Variants in POLG observed in about 807,000 individuals in gnomAD.
The protein encoded by POLG is DNA polymerase gamma, catalytic subunit, also known as DNA polymerase subunit gamma-1.
In POLG, 110 loss-of-function variants were observed where a neutral mutation model predicts 155.4. That is an observed-to-expected ratio of 0.71 (90% confidence interval 0.61 to 0.83). The LOEUF is 0.83. Among genes scored for constraint, POLG ranks in the 40% least tolerant of loss-of-function variants. The probability of loss-of-function intolerance (pLI) is 0.00; values close to 1 mark genes in which losing one functional copy is unlikely to be tolerated. For synonymous variants in POLG, 701 were observed against 631.5 expected (o/e 1.11, Z -1.65); for missense variants, 1,685 against 1,627.5 (o/e 1.04, Z -0.61).
rs757804090 is a variant in POLG, at chr15:89,327,251, C to T, written c.1349G>A (p.Gly450Asp). Residue 450 changes from glycine (G) to aspartate (D), a missense_variant, in exon 7 of 23, where the codon GGC (glycine) becomes GAC (aspartate). By Grantham distance (94) the Gly-to-Asp change is moderately conservative. Transcript: ENST00000268124. ...CTCCCGCTGGAGCTCCTCATAAGTG[C>T]CCTGTGCCTCTGCCAGGTAACGCTC... ...NWERYLAEAQ[G>D]TYEELQREMK... 6.2e-7 allele frequency: 1 copy of T among 1,614,206 alleles called. No individual in the cohort carries two copies. Among genetic ancestry groups the T allele is most frequent in the Non-Finnish European group, 8.5e-7 (1 of 1,180,032 alleles).
At position 89,318,411 on chromosome 15, in the gene POLG, A is replaced by G. The variant is rs532947121; in HGVS notation, c.3482+130T>C. The G allele has an allele frequency of 2.9e-4, 200 of 701,750 alleles. 2 individuals are homozygous for G. The South Asian group carries it at 3.0e-3, about 11-fold the overall frequency. 43.5% of individuals were successfully genotyped at this position (701,750 alleles called of 1,614,324 possible). A position where few individuals can be genotyped will look rare whatever the true frequency, so the allele number is the denominator to read the frequency against. The stretch of plus-strand genomic sequence containing the variant: ...ACAACTTTTTAAAAATTAGAAATAA[A>G]TAAATAAGCTGAAACATTCACTTCT... On this transcript the variant is annotated intron_variant, in intron 21 of 22. Coordinates refer to ENST00000268124, the MANE Select transcript of POLG (RefSeq NM_002693.3).
At chr15:89,321,084 T>A (rs776015953) in intron 17 of POLG, 41 bp downstream of exon 17, 4 of 1,278,898 alleles carry the variant, frequency 3.1e-6, no homozygotes, top group African/African-American at 2.8e-5. Flanking sequence ...ACTGTCAATA[T>A]GCTGAGGGGC....
In POLG at chr15:89,330,217, G is replaced by C. The variant is rs369175235; in HGVS notation, c.719C>G (p.Ser240Trp). The C allele has an allele frequency of 6.2e-7, 1 of 1,613,356 alleles. No individual in the cohort carries two copies. Among genetic ancestry groups the C allele is most frequent in the East Asian group, 2.2e-5 (1 of 44,888 alleles). ...CTCCAGGGGGATGAGGTCAGCCGGC[G>C]ACAGCTGGCTGGTCCAAGAGTAACG... ...EERYSWTSQL[S>W]PADLIPLEVP... Residue 240 changes from serine to tryptophan, a missense_variant, in exon 3 of 23, where the codon TCG (serine) becomes TGG (tryptophan). Ser to Trp is a radical substitution (Grantham distance 177, BLOSUM62 -3). Coordinates refer to ENST00000268124, the MANE Select transcript of POLG (RefSeq NM_002693.3).
At position 89,316,607 on chromosome 15, in the gene POLG, A is replaced by G; in HGVS notation, c.*144T>C. On this transcript the variant is annotated 3_prime_UTR_variant, in exon 23 of 23. Transcript: ENST00000268124. ...TCAACTGCACCTTCAGTTAGAAGGA[A>G]TCTTCTTGGCAGGTCCTGCTACTGA... 9.1e-7 allele frequency: 1 copy of G among 1,104,412 alleles called. No individual in the cohort carries two copies. The highest frequency in any genetic ancestry group is 1.3e-5 in the South Asian group (1 of 77,002). The allele number at this position is 1,104,412 out of a possible 1,614,324, so 68.4% of individuals were successfully genotyped here. A position where few individuals can be genotyped will look rare whatever the true frequency, so the allele number is the denominator to read the frequency against.
In POLG at chr15:89,324,187, CCT is replaced by C. The variant is rs1483201828; in HGVS notation, c.1988_1989del (p.Gln663ArgfsTer20). On this transcript the variant is annotated frameshift_variant, in exon 11 of 23. Transcript: ENST00000268124. LOFTEE classifies it high-confidence loss of function. ...ESLYRKHCLEQGKQQLMPQEA... is the reference protein window; with the variant it reads ...ESLYRKHCLEXGKQQLMPQEA... ...TCCTGGGGCATCAGCTGCTGCTTCC[CCT>C]GTTCGAGACAGTGCTTCCTGTACAG... 2 of 1,613,736 alleles carry C rather than the reference CCT, an allele frequency of 1.2e-6. No homozygotes were observed. Among genetic ancestry groups the C allele is most frequent in the Non-Finnish European group, 1.7e-6 (2 of 1,180,022 alleles).
Position 89,325,601 on chromosome 15 carries a change from G to T in POLG, c.1798C>A (p.Pro600Thr). The T allele has an allele frequency of 5.0e-6, 8 of 1,613,804 alleles. No individual in the cohort carries two copies. The highest frequency in any genetic ancestry group is 6.8e-6 in the Non-Finnish European group (8 of 1,180,008). The change falls in exon 10 of 23, where the codon CCT becomes ACT. Residue 600 changes from proline to threonine, a missense_variant. By Grantham distance (38) the Pro-to-Thr change is conservative (BLOSUM62 -1). Coordinates refer to ENST00000268124, the MANE Select transcript of POLG (RefSeq NM_002693.3). ...TCCCAGGTAAGTGCCATGAGTTTAGGTGTGACCCGCATCTGCAGGCTGAGG... is the reference window on the plus strand; with the variant it reads ...TCCCAGGTAAGTGCCATGAGTTTAGTTGTGACCCGCATCTGCAGGCTGAGG... ...SLLSLQMRVT[P>T]KLMALTWDGF...
rs1567189542 is a variant in POLG at position 89,325,145 on chromosome 15, AGTG to A, written c.1949+302_1949+304del. ...GAGTGAGTGAGAGAGTGAGTGAGAG[AGTG>A]AGTGAGTGAGTGAGTGAGTGAGAGA... On this transcript the variant is annotated intron_variant, in intron 10 of 22. Coordinates refer to ENST00000268124, the MANE Select transcript of POLG (RefSeq NM_002693.3). Among the ~76,000 whole-genome samples, 24 of 47,372 alleles carry A rather than the reference AGTG, an allele frequency of 5.1e-4. 2 individuals are homozygous for A. Among genetic ancestry groups the A allele is most frequent in the Middle Eastern group, 0.011 (1 of 90 alleles). 31.1% of individuals were successfully genotyped at this position (47,372 alleles called of 152,430 possible). A position where few individuals can be genotyped will look rare whatever the true frequency, so the allele number is the denominator to read the frequency against.
At chr15:89,329,270 T>C (rs929784748) in intron 3 of POLG, among the ~76,000 whole-genome samples, 160 bp from the exon 4 acceptor site, 1 of 152,204 alleles carries the variant, frequency 6.6e-6, no homozygotes, top group African/African-American at 2.4e-5. Flanking sequence ...AGAATCCTCA[T>C]GCTTGTTCAT....
rs765549612 is a variant in POLG, at chr15:89,317,364, T to G, written c.3643+12A>C. On this transcript the variant is annotated intron_variant, in intron 22 of 22. Coordinates refer to ENST00000268124, the MANE Select transcript of POLG (RefSeq NM_002693.3). ...TCCTATGTGTAATGAGGAACAAATGTGTTGTGCTCACCCTGGGGAATCCCG... is the reference window on the plus strand; with the variant it reads ...TCCTATGTGTAATGAGGAACAAATGGGTTGTGCTCACCCTGGGGAATCCCG... The G allele has an allele frequency of 6.2e-7, 1 of 1,613,462 alleles. No homozygotes were observed. The highest frequency in any genetic ancestry group is 1.3e-5 in the African/African-American group (1 of 74,916).
Position 89,322,885 on chromosome 15 carries a change from A to G in POLG, c.2283T>C (p.Asn761=), listed in dbSNP as rs765593890. 2 of 1,613,044 alleles carry G rather than the reference A, an allele frequency of 1.2e-6. No individual in the cohort carries two copies. Among genetic ancestry groups the G allele is most frequent in the Non-Finnish European group, 1.7e-6 (2 of 1,179,874 alleles). The change falls in exon 14 of 23, where the codon AAT becomes AAC. Residue 761 remains asparagine (N), a synonymous_variant. Coordinates refer to ENST00000268124, the MANE Select transcript of POLG (RefSeq NM_002693.3). ...AGTCCTTGGCAAAGGGGCTTCCCAC[A>G]TTACAGCTATTACCATCCTGGACAG... ...KLPHKDGNSC[N]VGSPFAKDFL...
intron 10 of POLG, among the ~76,000 whole-genome samples, chr15:89,325,163 TGAGTGAGAGAGTGAGA>T (rs1359284445): frequency 1.2e-4 from 6 of 48,188 alleles, no homozygotes; most frequent in African/African-American, 2.4e-4. Flanking sequence ...AGTGAGTGAG[TGAGTGAGAGAGTGAGA>T]GAGTGAGTGA....
At chr15:89,332,819 T>A (rs1305263766) in intron 2 of POLG, among the ~76,000 whole-genome samples, 1 of 152,178 alleles carries the variant, frequency 6.6e-6, no homozygotes, top group Non-Finnish European at 1.5e-5. Context: ...CACCGTGATC[T>A]TAAGTGGCCT....
chr15:89,333,061 T>C (rs1338866272), intron 2 of POLG, 35 bp downstream of exon 2: 1 of 1,503,240 alleles, frequency 6.7e-7, no homozygotes, highest in East Asian at 2.3e-5. Flanking sequence ...TGGGCCCCCA[T>C]GCCTGCTTAT....
Position 89,329,080 on chromosome 15 carries a change from T to G in POLG, c.886A>C (p.Ser296Arg), listed in dbSNP as rs888362291. ...GSRMRFLDTM[S>R]MHMAISGLSS... ...AGCCCTGAGATGGCCATGTGCATGCTCATGGTGTCCAGGAAACGCATGCGG... is the reference window on the plus strand; with the variant it reads ...AGCCCTGAGATGGCCATGTGCATGCGCATGGTGTCCAGGAAACGCATGCGG... The change falls in exon 4 of 23, where the codon AGC becomes CGC. Residue 296 changes from serine to arginine, a missense_variant. Physicochemically the swap from Ser to Arg is moderately radical, Grantham distance 110. This residue lies in a region of POLG where 1,210 missense variants were observed against 1,167.1 expected (regional missense o/e 1.04). Transcript: ENST00000268124. 1.2e-5 allele frequency: 19 copies of G among 1,612,516 alleles called. No individual in the cohort carries two copies. The highest frequency in any genetic ancestry group is 1.6e-5 in the Non-Finnish European group (19 of 1,179,898).
rs941361607 is a variant in POLG at position 89,334,708 on chromosome 15, C to G, written c.-195G>C. On this transcript the variant is annotated 5_prime_UTR_variant, in exon 1 of 23. Transcript: ENST00000268124. ...ACGGTGCTTCCCGGTCTGCTGCTCC[C>G]CCGACCCCAGGCCCACGGCACGGCG... The G allele has an allele frequency of 6.6e-6, 1 of 152,180 alleles. No individual in the cohort carries two copies. The highest frequency in any genetic ancestry group is 2.4e-5 in the African/African-American group (1 of 41,286). 9.4% of individuals were successfully genotyped at this position (152,180 alleles called of 1,614,324 possible). A position where few individuals can be genotyped will look rare whatever the true frequency, so the allele number is the denominator to read the frequency against.
intron 2 of POLG, among the ~76,000 whole-genome samples, chr15:89,332,770 C>T (rs41545412): frequency 0.011 from 1,705 of 152,290 alleles, 30 homozygotes; most frequent in African/African-American, 0.039. Context: ...AGACTAACTT[C>T]TCATGACGCT....
intron 21 of POLG, chr15:89,318,063 TA>T: frequency 4.1e-6 from 1 of 243,380 alleles, no homozygotes; most frequent in South Asian, 4.6e-5. Context: ...ACTCAATATA[TA>T]AAATATATAA....
At position 89,327,527 on chromosome 15, in the gene POLG, G is replaced by T. The variant is rs115009301; in HGVS notation, c.1251-178C>A. Among the ~76,000 whole-genome samples, 653 of 152,216 alleles carry T rather than the reference G, an allele frequency of 4.3e-3. 5 individuals are homozygous for T. The highest frequency in any genetic ancestry group is 0.015 in the African/African-American group (619 of 41,522). ...CCCTGGGTAAGCAACCCCATCTCTC[G>T]GAGCCTCAGTTCTTTCATCTATAAA... is the stretch of plus-strand genomic sequence containing the variant. On this transcript the variant is annotated intron_variant, in intron 6 of 22. Transcript: ENST00000268124.
At chr15:89,329,761 G>A (rs2152068490) in intron 3 of POLG, among the ~76,000 whole-genome samples, 1 of 152,280 alleles carries the variant, frequency 6.6e-6, no homozygotes, top group African/African-American at 2.4e-5. Context: ...GGCGCTCACA[G>A]TAGTCATCGG....
Sources: gnomAD v4.1 joint callset for allele counts (sites outside exome capture counted in the v4.1 genomes callset) on GRCh38, gnomAD v4.1.1 for gene constraint, gnomAD v4.1.1 regional missense constraint, MANE v1.5 for transcripts, NCBI Gene and HGNC (gene_info 2026-07-23, HGNC 2026-07-21) for gene names.